Variants in QTGAL observed in about 807,000 individuals in gnomAD.
The protein encoded by QTGAL is queuosine-tRNA galactosyltransferase.
chr17:82,967,656 C>T, the QTGAL span, among the ~76,000 whole-genome samples: 1 of 152,080 alleles, frequency 6.6e-6, no homozygotes, highest in Non-Finnish European at 1.5e-5. Context: ...ATTTTAAAAA[C>T]TGAAAATAAG....
At chr17:82,991,416 C>T in the QTGAL span, among the ~76,000 whole-genome samples, 1 of 152,260 alleles carries the variant, frequency 6.6e-6, no homozygotes, top group African/African-American at 2.4e-5. Flanking sequence ...ATGGGGTTTC[C>T]GATTTCGCTT....
the QTGAL span, among the ~76,000 whole-genome samples, chr17:82,984,965 TC>T: frequency 6.6e-6 from 1 of 152,236 alleles, no homozygotes; most frequent in Admixed American, 6.5e-5. Flanking sequence ...CCCTCGAGTT[TC>T]CAGAAGGGCC....
chr17:82,978,777 C>T, the QTGAL span: 1 of 152,114 alleles, frequency 6.6e-6, no homozygotes, highest in African/African-American at 2.4e-5. The surrounding 1 kb of genome is among the most constrained non-coding windows in gnomAD (Gnocchi z 4.8). Context: ...CCAGTTGAGT[C>T]TAGAGACAAG....
chr17:83,033,938 T>C, the QTGAL span, among the ~76,000 whole-genome samples: 1 of 151,914 alleles, frequency 6.6e-6, no homozygotes, highest in Non-Finnish European at 1.5e-5. Context: ...TTTTTCTTAG[T>C]GTTTTGTTTG....
chr17:83,049,577 G>C, the QTGAL span, among the ~76,000 whole-genome samples: 1 of 151,818 alleles, frequency 6.6e-6, no homozygotes, highest in Non-Finnish European at 1.5e-5. Flanking sequence ...TCATGTTCTA[G>C]GTGGAATAAG....
chr17:82,952,444 G>A, the QTGAL span, among the ~76,000 whole-genome samples: 1 of 152,060 alleles, frequency 6.6e-6, no homozygotes, highest in African/African-American at 2.4e-5. Context: ...TTAAACCAAT[G>A]AAGATTAAAA....
the QTGAL span, among the ~76,000 whole-genome samples, chr17:82,951,420 T>G: frequency 2.6e-5 from 4 of 152,240 alleles, no homozygotes; most frequent in African/African-American, 9.6e-5. Context: ...TTCACAGAAT[T>G]GAAGAGAGTT....
At chr17:82,962,907 T>TCC in the QTGAL span, among the ~76,000 whole-genome samples, 1 of 42,886 alleles carries the variant, frequency 2.3e-5, no homozygotes, top group Non-Finnish European at 5.4e-5. Flanking sequence ...GTCCCATTTT[T>TCC]CTCCCCTCCC....
the QTGAL span, among the ~76,000 whole-genome samples, chr17:83,018,623 C>T: frequency 6.6e-6 from 1 of 152,234 alleles, no homozygotes; most frequent in Non-Finnish European, 1.5e-5. Flanking sequence ...GATAGAACGC[C>T]TCATCCAACA....
chr17:83,042,319 A>T, the QTGAL span, among the ~76,000 whole-genome samples: 1 of 152,190 alleles, frequency 6.6e-6, no homozygotes, highest in South Asian at 2.1e-4. Context: ...GTGAACCAAG[A>T]TCACGCCACT....
chr17:83,011,328 T>C, the QTGAL span: 1 of 152,242 alleles, frequency 6.6e-6, no homozygotes, highest in Admixed American at 6.5e-5. Context: ...TCTGCAGTGA[T>C]TTATCTACAT....
the QTGAL span, among the ~76,000 whole-genome samples, chr17:82,953,287 G>A: frequency 6.6e-6 from 1 of 151,630 alleles, no homozygotes; most frequent in Non-Finnish European, 1.5e-5. Flanking sequence ...GCCAGGCAAA[G>A]AAAAGAAGAA....
At chr17:82,952,357 C>G in the QTGAL span, among the ~76,000 whole-genome samples, 2 of 152,184 alleles carry the variant, frequency 1.3e-5, no homozygotes, top group Non-Finnish European at 2.9e-5. Context: ...ATCAACCACT[C>G]ACCCGTGGTT....
the QTGAL span, among the ~76,000 whole-genome samples, chr17:82,980,425 GC>G: frequency 6.6e-6 from 1 of 152,164 alleles, no homozygotes; most frequent in African/African-American, 2.4e-5. Context: ...CCTGGAGACA[GC>G]CTCAGACCCC....
chr17:82,971,363 C>T, the QTGAL span, among the ~76,000 whole-genome samples: 2 of 152,206 alleles, frequency 1.3e-5, no homozygotes, highest in African/African-American at 4.8e-5. Context: ...GCTCAGTCAG[C>T]ACAGAGCACT....
the QTGAL span, among the ~76,000 whole-genome samples, chr17:83,030,062 C>T: frequency 5.3e-5 from 8 of 152,034 alleles, no homozygotes; most frequent in Non-Finnish European, 7.3e-5. Context: ...AAACGGGCCA[C>T]GCGTGAACAA....
the QTGAL span, among the ~76,000 whole-genome samples, chr17:83,050,163 G>A: frequency 6.6e-6 from 1 of 152,122 alleles, no homozygotes; most frequent in African/African-American, 2.4e-5. Flanking sequence ...CTGATGTCGG[G>A]AGTTCAAGAC....
At chr17:82,969,818 T>C in the QTGAL span, among the ~76,000 whole-genome samples, 120,637 of 151,974 alleles carry the variant, frequency 0.79, 48,126 homozygotes, top group East Asian at 0.88. Context: ...AAGATGGGAC[T>C]ACAGGTGTGG....
the QTGAL span, among the ~76,000 whole-genome samples, chr17:83,023,524 G>T: frequency 6.6e-6 from 1 of 152,266 alleles, no homozygotes; most frequent in Non-Finnish European, 1.5e-5. Context: ...ATAAAGAGAT[G>T]AGGAAAAACA....
Sources: gnomAD v4.1 joint callset for allele counts (sites outside exome capture counted in the v4.1 genomes callset) on GRCh38, gnomAD v4.1.1 for gene constraint, Gnocchi (gnomAD v3.1) non-coding constraint, MANE v1.5 for transcripts, NCBI Gene and HGNC (gene_info 2026-07-23, HGNC 2026-07-21) for gene names.